Variants in FN1 observed in about 807,000 individuals in gnomAD.
FN1 encodes fibronectin 1, also known as fibronectin.
FN1 carries 106 observed loss-of-function variants against 297.3 expected under a neutral mutation model. The ratio of observed to expected loss-of-function variants is 0.36; its 90% CI spans 0.30 to 0.42. FN1 has a LOEUF of 0.42. FN1 is among the 10% of genes least tolerant of loss of function. The probability of loss-of-function intolerance (pLI) is 1.00; values close to 1 mark genes in which losing one functional copy is unlikely to be tolerated. For missense variants in FN1, 2,690 were observed against 3,124.9 expected, an observed-to-expected ratio of 0.86 and a Z score of 3.32; for synonymous variants, 1,149 against 1,152.6, an observed-to-expected ratio of 1.00 and a Z score of 0.06.
intron 19 of FN1, 122 bp downstream of exon 19, chr2:215,406,116 G>A (rs1019862032): frequency 2.9e-5 from 29 of 1,005,372 alleles, no homozygotes; most frequent in Non-Finnish European, 3.9e-5. Context: ...TTCCCTTGCC[G>A]GCTGGGTATT....
intron 38 of FN1, 59 bp from the exon 39 acceptor site, chr2:215,373,470 T>G (rs1479754953): frequency 7.0e-7 from 1 of 1,428,036 alleles, no homozygotes; most frequent in Admixed American, 1.7e-5. Flanking sequence ...CAAGTGGAAG[T>G]CGGTCTCACC....
chr2:215,420,636 C>T, intron 11 of FN1, 37 bp downstream of exon 11: 1 of 1,613,428 alleles, frequency 6.2e-7, no homozygotes, highest in Non-Finnish European at 8.5e-7. Flanking sequence ...AACCATTCCC[C>T]CTGTGCAAAC....
intron 9 of FN1, 146 bp from the exon 10 acceptor site, chr2:215,422,389 T>C (rs1575768697): frequency 1.2e-6 from 1 of 834,908 alleles, no homozygotes; most frequent in East Asian, 2.5e-5. Flanking sequence ...ATCTAAGTGC[T>C]GTCAGGTGAA....
rs544861352 is a variant in FN1, at chr2:215,375,804, T to C, written c.5888-86A>G. On this transcript the variant is annotated intron_variant, in intron 36 of 45. Transcript: ENST00000354785. Reference sequence around the variant, plus strand: ...GCTAGCCTGCAATTTTTCTGGGTTCTTCTATCATCCCATATTTATATAGAC... The same window carrying C: ...GCTAGCCTGCAATTTTTCTGGGTTCCTCTATCATCCCATATTTATATAGAC... 2.9e-4 allele frequency: 245 copies of C among 836,938 alleles called. 3 individuals are homozygous for C. In the South Asian group the frequency reaches 3.3e-3, roughly 11 times the overall value. The allele number at this position is 836,938 out of a possible 1,614,324, so 51.8% of individuals were successfully genotyped here. A position where few individuals can be genotyped will look rare whatever the true frequency, so the allele number is the denominator to read the frequency against.
intron 2 of FN1, 47 bp downstream of exon 2, chr2:215,434,649 A>T (rs557087387): frequency 6.2e-7 from 1 of 1,609,526 alleles, no homozygotes; most frequent in African/African-American, 1.3e-5. Context: ...AACAATTACC[A>T]CTTCATGTAT....
chr2:215,389,201 T>G (rs2059406674), intron 26 of FN1, among the ~76,000 whole-genome samples: 1 of 152,124 alleles, frequency 6.6e-6, no homozygotes, highest in Admixed American at 6.5e-5. Flanking sequence ...CCTCCTGGGT[T>G]CAAGTGATTC....
intron 4 of FN1, 54 bp downstream of exon 4, chr2:215,431,779 C>G: frequency 3.1e-6 from 5 of 1,597,628 alleles, no homozygotes; most frequent in Non-Finnish European, 3.4e-6. Context: ...TCTGGTCCAA[C>G]CCCACATTAG....
At chr2:215,386,594 TGAGAGC>T in intron 28 of FN1, 89 bp downstream of exon 28, 2 of 311,172 alleles carry the variant, frequency 6.4e-6, no homozygotes, top group Non-Finnish European at 1.1e-5. Flanking sequence ...TTTTTTTTTT[TGAGAGC>T]TGATGACAGA....
chr2:215,422,271 T>G, intron 9 of FN1, 28 bp from the exon 10 acceptor site: 1 of 1,609,534 alleles, frequency 6.2e-7, no homozygotes, highest in Non-Finnish European at 8.5e-7. Flanking sequence ...AGAAATGCAC[T>G]TGATAAATGA....
chr2:215,372,510 G>A (rs1171938515), intron 39 of FN1, 135 bp from the exon 40 acceptor site: 10 of 715,410 alleles, frequency 1.4e-5, no homozygotes, highest in Admixed American at 1.1e-4. Flanking sequence ...GAGCAGTTCT[G>A]AGATCACAAA....
At position 215,414,892 on chromosome 2, in the gene FN1, T is replaced by C; in HGVS notation, c.1886A>G (p.Gln629Arg). The C allele has an allele frequency of 1.2e-6, 2 of 1,613,734 alleles. No individual in the cohort carries two copies. Among genetic ancestry groups the C allele is most frequent in the Non-Finnish European group, 1.7e-6 (2 of 1,179,694 alleles). ...TPSQPNSHPI[Q>R]WNAPQPSHIS... Reference sequence around the variant, plus strand: ...GTGAGATGGCTGTGGTGCATTCCACTGGATGGGGTGGGAGTTGGGCTGACT... The same window carrying C: ...GTGAGATGGCTGTGGTGCATTCCACCGGATGGGGTGGGAGTTGGGCTGACT... The change falls in exon 13 of 46, where the codon CAG becomes CGG. Residue 629 changes from glutamine (Q) to arginine (R), a missense_variant. This residue lies in a region of FN1 where 876 missense variants were observed against 1,058.1 expected (regional missense o/e 0.83). Transcript: ENST00000354785.
At chr2:215,366,776 G>A (rs926916617) in intron 42 of FN1, among the ~76,000 whole-genome samples, 9 of 152,102 alleles carry the variant, frequency 5.9e-5, no homozygotes, top group Non-Finnish European at 1.0e-4. Context: ...TGACATCCCC[G>A]CTCCCACAAT....
intron 24 of FN1, chr2:215,393,574 C>G (rs1286601686): frequency 2.6e-5 from 4 of 152,452 alleles, no homozygotes; most frequent in African/African-American, 9.6e-5. Context: ...TAAGTATCAG[C>G]AATGCTTTTA....
At chr2:215,428,478 A>G (rs528242596) in intron 5 of FN1, 140 bp from the exon 6 acceptor site, 1 of 753,524 alleles carries the variant, frequency 1.3e-6, no homozygotes, top group East Asian at 2.7e-5. Flanking sequence ...GCTGCAAGGT[A>G]TTACACTTCT....
chr2:215,377,245 CTA>C (rs2057457256), intron 35 of FN1, among the ~76,000 whole-genome samples: 1 of 152,112 alleles, frequency 6.6e-6, no homozygotes, highest in Non-Finnish European at 1.5e-5. Flanking sequence ...TAACAGAAGA[CTA>C]GAATCTAAGC....
At chr2:215,366,840 T>C (rs1333595574) in intron 42 of FN1, among the ~76,000 whole-genome samples, 2 of 152,212 alleles carry the variant, frequency 1.3e-5, no homozygotes, top group East Asian at 3.8e-4. Context: ...CGTAGTTCGA[T>C]TTCAGGAGTT....
intron 44 of FN1, 113 bp downstream of exon 44, chr2:215,364,766 T>C (rs1575170545): frequency 4.1e-6 from 3 of 733,778 alleles, no homozygotes; most frequent in Admixed American, 2.0e-5. Flanking sequence ...GGAAATGTGG[T>C]ATTTTAATAC....
rs144412333 is a variant in FN1, at chr2:215,375,649, A to G, written c.5957T>C (p.Val1986Ala). Residue 1986 changes from valine to alanine, a missense_variant, in exon 37 of 46, where the codon GTG becomes GCG. Coordinates refer to ENST00000354785, the MANE Select transcript of FN1 (RefSeq NM_212482.4). ...GTTACCAGTGGAGGCGTCGATGACC[A>G]CAGGGGAGCTCCGAGCATTGTCATT... Reference protein sequence around the residue: ...TLNDNARSSPVVIDASTAIDA... With the variant: ...TLNDNARSSPAVIDASTAIDA... 1.5e-5 allele frequency: 24 copies of G among 1,612,224 alleles called. No individual in the cohort carries two copies. Among genetic ancestry groups the G allele is most frequent in the Non-Finnish European group, 2.0e-5 (24 of 1,178,274 alleles).
At chr2:215,384,565 G>A (rs2058661354) in intron 29 of FN1, 6 of 392,524 alleles carry the variant, frequency 1.5e-5, no homozygotes, top group South Asian at 1.4e-4. Context: ...GTAAAGAGAA[G>A]AAAAAATAAA....
Sources: allele counts gnomAD v4.1 joint callset (sites outside exome capture counted in the v4.1 genomes callset), GRCh38; gene constraint gnomAD v4.1.1; regional missense constraint gnomAD v4.1.1; transcripts MANE v1.5; gene names NCBI Gene and HGNC (gene_info 2026-07-23, HGNC 2026-07-21).